PPP1R13B: variants seen among roughly 807,000 people sequenced by gnomAD.
PPP1R13B encodes the protein apoptosis-stimulating of p53 protein 1.
A neutral mutation model predicts 119.8 loss-of-function variants in PPP1R13B; 44 were observed. The ratio of observed to expected loss-of-function variants is 0.37; its 90% CI spans 0.29 to 0.47. The LOEUF (loss-of-function observed/expected upper bound fraction) is 0.47. Among genes scored for constraint, PPP1R13B ranks in the 20% least tolerant of loss-of-function variants. PPP1R13B has a pLI of 0.99. For synonymous variants in PPP1R13B, 542 were observed against 561.5 expected (o/e 0.97, Z 0.49); for missense variants, 1,227 against 1,413.5 (o/e 0.87, Z 2.12).
At chr14:103,836,168 C>T (rs149364051) in intron 1 of PPP1R13B, among the ~76,000 whole-genome samples, 3,136 of 151,902 alleles carry the variant, frequency 0.021, 62 homozygotes, top group Non-Finnish European at 0.033. Context: ...GCCTCACCCT[C>T]CCAAATAGCT....
At chr14:103,777,137 C>T (rs547360020) in intron 4 of PPP1R13B, among the ~76,000 whole-genome samples, 3 of 151,794 alleles carry the variant, frequency 2.0e-5, no homozygotes, top group South Asian at 2.1e-4. Context: ...GGACTACAGG[C>T]GCATGCCACC....
At chr14:103,819,622 C>T (rs545641898) in intron 1 of PPP1R13B, among the ~76,000 whole-genome samples, 2 of 152,054 alleles carry the variant, frequency 1.3e-5, no homozygotes, top group African/African-American at 4.8e-5. Context: ...AAAATAGAAC[C>T]TGGGTACACT....
chr14:103,840,327 TCAATA>T (rs1310289001), intron 1 of PPP1R13B, among the ~76,000 whole-genome samples: 19 of 152,240 alleles, frequency 1.2e-4, no homozygotes, highest in African/African-American at 4.6e-4. Context: ...TTATATAACT[TCAATA>T]CAATAACCCA....
chr14:103,765,733 T>A (rs1378938490), intron 4 of PPP1R13B, among the ~76,000 whole-genome samples: 3 of 152,168 alleles, frequency 2.0e-5, no homozygotes, highest in Non-Finnish European at 4.4e-5. Flanking sequence ...TAGGAGGCAA[T>A]GCCATCTGCT....
At chr14:103,833,796 G>A (rs1284593678) in intron 1 of PPP1R13B, among the ~76,000 whole-genome samples, 2 of 151,988 alleles carry the variant, frequency 1.3e-5, no homozygotes, top group Non-Finnish European at 2.9e-5. Context: ...CTCTGCCACC[G>A]TACTCTGCTG....
At chr14:103,787,069 G>T (rs2085483197) in intron 2 of PPP1R13B, among the ~76,000 whole-genome samples, 1 of 151,718 alleles carries the variant, frequency 6.6e-6, no homozygotes, top group Non-Finnish European at 1.5e-5. Context: ...GGCCAGGCTG[G>T]TCTTGAATTC....
At chr14:103,757,005 G>A (rs1292604312) in intron 5 of PPP1R13B, among the ~76,000 whole-genome samples, 5 of 150,922 alleles carry the variant, frequency 3.3e-5, no homozygotes, top group African/African-American at 1.2e-4. Context: ...CTTGTGAGCC[G>A]CCCACTTTGG....
chr14:103,848,063 G>C (rs1185172631), upstream of PPP1R13B, among the ~76,000 whole-genome samples: 1 of 151,814 alleles, frequency 6.6e-6, no homozygotes, highest in Non-Finnish European at 1.5e-5. Context: ...GGAGGGGCGC[G>C]GGGGGCCCCC....
chr14:103,847,607 C>A (rs1335111198), upstream of PPP1R13B: 1 of 986,284 alleles, frequency 1.0e-6, no homozygotes, highest in Admixed American at 6.2e-5. Flanking sequence ...CTCTTCAGCC[C>A]CCGCAGGCCC....
In PPP1R13B at chr14:103,734,139, G is replaced by A. The variant is rs2084026480; in HGVS notation, c.*1015C>T. 4.4e-6 allele frequency: 1 copy of A among 224,830 alleles called. No individual in the cohort carries two copies. The highest frequency in any genetic ancestry group is 9.2e-6 in the Non-Finnish European group (1 of 109,266). The allele number at this position is 224,830 out of a possible 1,614,324, so 13.9% of individuals were successfully genotyped here. Reference sequence around the variant, plus strand: ...GCCTTGAGGCTGGGCCTGGGACAAAGGTGGCCTCACAGCCAGCCCAGGCAG... The same window carrying A: ...GCCTTGAGGCTGGGCCTGGGACAAAAGTGGCCTCACAGCCAGCCCAGGCAG... On this transcript the variant is annotated 3_prime_UTR_variant, in exon 17 of 17. Coordinates refer to ENST00000202556, the MANE Select transcript of PPP1R13B (RefSeq NM_015316.3).
Position 103,740,398 on chromosome 14 carries a change from G to A in PPP1R13B, c.2018C>T (p.Thr673Ile). 2 of 1,579,358 alleles carry A rather than the reference G, an allele frequency of 1.3e-6. No homozygotes were observed. Among genetic ancestry groups the A allele is most frequent in the Non-Finnish European group, 1.7e-6 (2 of 1,159,936 alleles). Residue 673 changes from threonine (T) to isoleucine (I), a missense_variant, in exon 12 of 17, where the codon ACC (threonine) becomes ATC (isoleucine). By Grantham distance (89) the Thr-to-Ile change is moderately conservative (BLOSUM62 -1). Transcript: ENST00000202556. This position sits in a 1 kb window ranked among gnomAD's most constrained non-coding sequence, Gnocchi z 4.6. Reference sequence around the variant, plus strand: ...CGAATGCACGATGGGCGTGAGCTTGGTGGGGCTGAGTGGCCGTGGCAGGCT... The same window carrying A: ...CGAATGCACGATGGGCGTGAGCTTGATGGGGCTGAGTGGCCGTGGCAGGCT... ...VESLPRPLSPTKLTPIVHSPL... is the reference protein window; with the variant it reads ...VESLPRPLSPIKLTPIVHSPL...
In PPP1R13B at chr14:103,739,183, A is replaced by T. The variant is rs989994146; in HGVS notation, c.2593-160T>A. The T allele has an allele frequency of 7.4e-6, 7 of 946,832 alleles. No homozygotes were observed. In the South Asian group the frequency reaches 1.1e-4, roughly 15 times the overall value. 58.7% of individuals were successfully genotyped at this position (946,832 alleles called of 1,614,324 possible). On this transcript the variant is annotated intron_variant, in intron 12 of 16. Transcript: ENST00000202556. ...GTAGCAGCGCCCAGGTGACCACCTC[A>T]AATAAGGGCCAGGGCCACTCTGCTC...
At chr14:103,780,711 G>A in intron 3 of PPP1R13B, among the ~76,000 whole-genome samples, 1 of 151,420 alleles carries the variant, frequency 6.6e-6, no homozygotes, top group East Asian at 1.9e-4. Context: ...CTACTTGGGA[G>A]GCTGAGACAG....
chr14:103,803,417 G>T (rs1437066770), intron 1 of PPP1R13B, among the ~76,000 whole-genome samples: 3 of 152,162 alleles, frequency 2.0e-5, no homozygotes, highest in Admixed American at 6.6e-5. Flanking sequence ...GCCAAGGCAG[G>T]CGGATCACTA....
At chr14:103,763,264 C>T (rs1015682457) in intron 4 of PPP1R13B, 490 of 482,014 alleles carry the variant, frequency 1.0e-3, no homozygotes, top group Non-Finnish European at 1.4e-3. Flanking sequence ...CTCTATGAAA[C>T]GTCTGTAGCT....
In PPP1R13B at chr14:103,734,761, G is replaced by C; in HGVS notation, c.*393C>G. On this transcript the variant is annotated 3_prime_UTR_variant, in exon 17 of 17. Transcript: ENST00000202556. ...GGGGCAGGGCGGTCGCAGGGGAGCA[G>C]GCCTCACAGCGGCGGACAGTGTTCA... 1 of 465,392 alleles carries C rather than the reference G, an allele frequency of 2.1e-6. No individual in the cohort carries two copies. Among genetic ancestry groups the C allele is most frequent in the South Asian group, 1.6e-5 (1 of 64,196 alleles). The allele number at this position is 465,392 out of a possible 1,614,324, so 28.8% of individuals were successfully genotyped here. A position where few individuals can be genotyped will look rare whatever the true frequency, so the allele number is the denominator to read the frequency against.
At chr14:103,845,797 C>T (rs2087015884) in intron 1 of PPP1R13B, among the ~76,000 whole-genome samples, 2 of 152,096 alleles carry the variant, frequency 1.3e-5, no homozygotes, top group Non-Finnish European at 2.9e-5. Flanking sequence ...CACCATAATG[C>T]CTTTCATCAA....
At chr14:103,799,701 C>T (rs1258454418) in intron 1 of PPP1R13B, among the ~76,000 whole-genome samples, 1 of 147,878 alleles carries the variant, frequency 6.8e-6, no homozygotes, top group Non-Finnish European at 1.5e-5. Context: ...ATTTTTTTTT[C>T]CCCTTTTCCT....
chr14:103,804,349 A>C (rs1355943490), intron 1 of PPP1R13B, among the ~76,000 whole-genome samples: 1 of 152,210 alleles, frequency 6.6e-6, no homozygotes, highest in Non-Finnish European at 1.5e-5. Flanking sequence ...ACATTTTTAC[A>C]AACTTGGTAT....
Sources: gnomAD v4.1 joint callset for allele counts (sites outside exome capture counted in the v4.1 genomes callset) on GRCh38, gnomAD v4.1.1 for gene constraint, Gnocchi (gnomAD v3.1) non-coding constraint, MANE v1.5 for transcripts, NCBI Gene and HGNC (gene_info 2026-07-23, HGNC 2026-07-21) for gene names.